The following FNBP1 variants were observed in gnomAD, a reference collection of about 807,000 sequenced individuals.
The protein encoded by FNBP1 is formin-binding protein 1.
In FNBP1, 26 loss-of-function variants were observed where a neutral mutation model predicts 90.6. That is an observed-to-expected ratio of 0.29 (90% CI 0.21 to 0.40). FNBP1 has a LOEUF of 0.40. FNBP1 is among the 10% of genes least tolerant of loss of function. The probability of loss-of-function intolerance (pLI) is 1.00; values close to 1 mark genes in which losing one functional copy is unlikely to be tolerated. For missense variants in FNBP1, 635 were observed against 768.0 expected, an observed-to-expected ratio of 0.83 and a Z score of 2.05; for synonymous variants, 260 against 265.2, an observed-to-expected ratio of 0.98 and a Z score of 0.19.
intron 12 of FNBP1, among the ~76,000 whole-genome samples, chr9:129,906,676 G>A (rs1325857514): frequency 6.6e-6 from 1 of 152,166 alleles, no homozygotes; most frequent in Non-Finnish European, 1.5e-5. Flanking sequence ...GTCTTTATTA[G>A]CAGCATGAGA....
rs762307885 is a variant in FNBP1, at chr9:129,908,908, T to A, written c.1277A>T (p.Gln426Leu). The A allele has an allele frequency of 6.2e-7, 1 of 1,610,968 alleles. No individual in the cohort carries two copies. Among genetic ancestry groups the A allele is most frequent in the Non-Finnish European group, 8.5e-7 (1 of 1,177,764 alleles). The change falls in exon 12 of 17, where the codon CAG becomes CTG. Residue 426 changes from glutamine to leucine, a missense_variant. Gln to Leu is a moderately radical substitution (Grantham distance 113). Coordinates refer to ENST00000446176, the MANE Select transcript of FNBP1 (RefSeq NM_015033.3). Reference protein sequence around the residue: ...QKVDELNKEIQKEMDQRDAIT... With the variant: ...QKVDELNKEILKEMDQRDAIT... ...ACTATACCTTTGATCCATCTCCTTC[T>A]GAATTTCTTTATTTAACTCATCGAC...
chr9:129,890,646 T>A lies in FNBP1; in HGVS notation c.1847-100A>T, dbSNP rs1021000083. ...CTCTTGGCTACAAACTGCACCGCCC[T>A]GGGAGGGGAGGGTAGTGGGAGGGGA... On this transcript the variant is annotated intron_variant, in intron 16 of 16. Transcript: ENST00000446176. This position sits in a 1 kb window ranked among gnomAD's most constrained non-coding sequence, Gnocchi z 5.8. 2.3e-6 allele frequency: 1 copy of A among 442,028 alleles called. No homozygotes were observed. Among genetic ancestry groups the A allele is most frequent in the Non-Finnish European group, 4.3e-6 (1 of 230,820 alleles). The allele number at this position is 442,028 out of a possible 1,614,324, so 27.4% of individuals were successfully genotyped here. A position where few individuals can be genotyped will look rare whatever the true frequency, so the allele number is the denominator to read the frequency against.
chr9:129,943,682 C>T (rs980211382), intron 6 of FNBP1, among the ~76,000 whole-genome samples: 6 of 152,066 alleles, frequency 3.9e-5, no homozygotes, highest in East Asian at 3.9e-4. Flanking sequence ...CCACTGCGCC[C>T]GGCCTAATTG....
Position 129,979,375 on chromosome 9 carries a change from C to A in FNBP1, c.141-1G>T. ...AGGTTGGTACTTCTTTGAAAGATTC[C>A]TGAAATAAAAATGCAGACATGTCAG... On this transcript the variant is annotated splice_acceptor_variant, in intron 2 of 16. Coordinates refer to ENST00000446176, the MANE Select transcript of FNBP1 (RefSeq NM_015033.3). LOFTEE classifies it high-confidence loss of function. The A allele has an allele frequency of 6.3e-7, 1 of 1,595,796 alleles. No homozygotes were observed. Among genetic ancestry groups the A allele is most frequent in the Non-Finnish European group, 8.6e-7 (1 of 1,165,332 alleles).
At chr9:129,894,950 C>T (rs1015310072) in intron 16 of FNBP1, among the ~76,000 whole-genome samples, 6 of 152,016 alleles carry the variant, frequency 3.9e-5, no homozygotes, top group Non-Finnish European at 5.9e-5. Flanking sequence ...CCCAGCTACT[C>T]GGGAGGCTGA....
Position 130,042,784 on chromosome 9 carries a change from C to T in FNBP1, c.24+168G>A, listed in dbSNP as rs906890617. ...AGCCGGCCCGCACCTCCTGCTCGGG[C>T]CAAGGCGGACGAGGGGCATTGGAAC... On this transcript the variant is annotated intron_variant, in intron 1 of 16. Coordinates refer to ENST00000446176, the MANE Select transcript of FNBP1 (RefSeq NM_015033.3). The surrounding 1 kb of genome is among the most constrained non-coding windows in gnomAD (Gnocchi z 5.5). 2.0e-5 allele frequency among the ~76,000 whole-genome samples: 3 copies of T among 151,810 alleles called. No individual in the cohort carries two copies. The highest frequency in any genetic ancestry group is 4.4e-5 in the Non-Finnish European group (3 of 67,912).
At chr9:129,996,062 A>C (rs1165648607) in intron 1 of FNBP1, among the ~76,000 whole-genome samples, 2 of 152,200 alleles carry the variant, frequency 1.3e-5, no homozygotes, top group Non-Finnish European at 2.9e-5. Context: ...GGAGGATTCC[A>C]GAGTGACTTT....
chr9:129,887,669 C>A lies in FNBP1; in HGVS notation c.*2870G>T, dbSNP rs1224438164. The stretch of plus-strand genomic sequence containing the variant: ...CCCCCAAGGAACAGCCCATGACAAC[C>A]TTCTGTGCCTTTTTATACTTTCCCA... On this transcript the variant is annotated 3_prime_UTR_variant, in exon 17 of 17. Transcript: ENST00000446176. 2 of 219,954 alleles carry A rather than the reference C, an allele frequency of 9.1e-6. No homozygotes were observed. Among genetic ancestry groups the A allele is most frequent in the Non-Finnish European group, 1.8e-5 (2 of 109,834 alleles). The allele number at this position is 219,954 out of a possible 1,614,324, so 13.6% of individuals were successfully genotyped here.
Position 129,998,808 on chromosome 9 carries a change from T to G in FNBP1, c.25-3850A>C, listed in dbSNP as rs182150572. 1.3e-3 allele frequency among the ~76,000 whole-genome samples: 202 copies of G among 152,332 alleles called. 1 individual carries two copies. The highest frequency in any genetic ancestry group is 4.8e-3 in the African/African-American group (199 of 41,574). ...GAGTCCACCTTAAAAATTACTGGCC[T>G]CAATCCAACAATATGTTTTCCATAA... is the stretch of plus-strand genomic sequence containing the variant. On this transcript the variant is annotated intron_variant, in intron 1 of 16. Transcript: ENST00000446176.
At chr9:130,033,707 G>T (rs1336488340) in intron 1 of FNBP1, among the ~76,000 whole-genome samples, 1 of 150,746 alleles carries the variant, frequency 6.6e-6, no homozygotes, top group Non-Finnish European at 1.5e-5. Flanking sequence ...AGTTAGCCAG[G>T]CCGGGCTGGG....
intron 1 of FNBP1, among the ~76,000 whole-genome samples, chr9:129,995,182 C>T (rs964995716): frequency 5.3e-5 from 8 of 152,128 alleles, no homozygotes; most frequent in Admixed American, 5.2e-4. Flanking sequence ...TTCATATTTC[C>T]TATTCCTTTT....
chr9:129,974,879 G>A (rs1330887526), intron 4 of FNBP1, among the ~76,000 whole-genome samples: 5 of 149,570 alleles, frequency 3.3e-5, no homozygotes, highest in Non-Finnish European at 3.0e-5. Context: ...AAGAAAGAAA[G>A]AAAAAAGGAA....
chr9:129,975,245 T>C (rs574599063), intron 4 of FNBP1, among the ~76,000 whole-genome samples: 1 of 152,234 alleles, frequency 6.6e-6, no homozygotes, highest in South Asian at 2.1e-4. Flanking sequence ...ATAAATTAAA[T>C]AGCACAAATA....
At chr9:129,918,219 C>T (rs543158832) in intron 10 of FNBP1, among the ~76,000 whole-genome samples, 4 of 152,264 alleles carry the variant, frequency 2.6e-5, no homozygotes, top group South Asian at 2.1e-4. Context: ...CAGACAAATT[C>T]GACTTTATTT....
chr9:129,972,277 G>A (rs912964114), intron 4 of FNBP1, among the ~76,000 whole-genome samples: 2 of 151,834 alleles, frequency 1.3e-5, no homozygotes, highest in African/African-American at 2.4e-5. Flanking sequence ...GGGATTCCAG[G>A]TGCCTGCCAC....
At chr9:129,968,103 C>T (rs2048893257) in intron 4 of FNBP1, among the ~76,000 whole-genome samples, 2 of 151,482 alleles carry the variant, frequency 1.3e-5, no homozygotes, top group Admixed American at 1.3e-4. Flanking sequence ...TCTTTCAAAA[C>T]AAAGAAGATG....
chr9:130,048,612 G>A, the FNBP1 span, among the ~76,000 whole-genome samples: 1 of 150,464 alleles, frequency 6.6e-6, no homozygotes, highest in Non-Finnish European at 1.5e-5. Context: ...CCAAGTAGCT[G>A]GGACTACAGG....
intron 12 of FNBP1, among the ~76,000 whole-genome samples, chr9:129,908,249 G>A (rs1051454564): frequency 2.7e-5 from 4 of 146,548 alleles, no homozygotes; most frequent in African/African-American, 1.0e-4. Context: ...TGTTGCCCAG[G>A]CTGGAGTGCA....
Position 129,910,504 on chromosome 9 carries a change from A to AAAAAAAAG in FNBP1, c.1186-1506_1186-1505insCTTTTTTT, listed in dbSNP as rs1298095363. Among the ~76,000 whole-genome samples, 130 of 104,094 alleles carry AAAAAAAAG rather than the reference A, an allele frequency of 1.2e-3. 13 individuals carry two copies. Among genetic ancestry groups the AAAAAAAAG allele is most frequent in the Non-Finnish European group, 1.8e-3 (98 of 54,602 alleles). 68.3% of individuals were successfully genotyped at this position (104,094 alleles called of 152,430 possible). On this transcript the variant is annotated intron_variant, in intron 11 of 16. Coordinates refer to ENST00000446176, the MANE Select transcript of FNBP1 (RefSeq NM_015033.3). ...CTCAAAAAAACAAAAAAAAAAAAAA[A>AAAAAAAAG]AGAGAGAGAGAAATTTCTTCAAATA...
Sources: gnomAD v4.1 joint callset for allele counts (sites outside exome capture counted in the v4.1 genomes callset) on GRCh38, gnomAD v4.1.1 for gene constraint, Gnocchi (gnomAD v3.1) non-coding constraint, MANE v1.5 for transcripts, NCBI Gene and HGNC (gene_info 2026-07-23, HGNC 2026-07-21) for gene names.